LRP1B: variants seen among roughly 807,000 people sequenced by gnomAD.
The protein encoded by LRP1B is low-density lipoprotein receptor-related protein 1B.
LRP1B carries 217 observed loss-of-function variants against 556.6 expected under a neutral mutation model. The ratio of observed to expected loss-of-function variants is 0.39; its 90% CI spans 0.35 to 0.44. LRP1B has a LOEUF of 0.44. Ranked by LOEUF, LRP1B falls within the 20% of genes least tolerant of loss-of-function variation. The pLI is 1.00. For missense variants in LRP1B, 5,053 were observed against 5,620.8 expected (o/e 0.90, Z 3.23); for synonymous variants, 2,047 against 1,865.8 (o/e 1.10, Z -2.50).
chr2:140,654,416 T>C (rs1372531895), intron 41 of LRP1B, among the ~76,000 whole-genome samples: 1 of 152,174 alleles, frequency 6.6e-6, no homozygotes, highest in Non-Finnish European at 1.5e-5. Flanking sequence ...AATTAATATG[T>C]ATATAAGGGA....
chr2:141,429,829 T>C (rs1680501429), intron 3 of LRP1B, among the ~76,000 whole-genome samples: 1 of 152,138 alleles, frequency 6.6e-6, no homozygotes, highest in Admixed American at 6.5e-5. Flanking sequence ...TTGGTTAAGG[T>C]CTTCTTAGGT....
intron 1 of LRP1B, among the ~76,000 whole-genome samples, chr2:141,987,549 G>GTTTTTTTTT (rs5834887): frequency 9.3e-5 from 13 of 139,940 alleles, no homozygotes; most frequent in East Asian, 6.2e-4. Context: ...GATTTAAGCT[G>GTTTTTTTTT]TTTTTTTTTT....
intron 18 of LRP1B, among the ~76,000 whole-genome samples, chr2:140,953,083 TTTTGTTTG>T (rs895002333): frequency 1.2e-4 from 18 of 151,962 alleles, no homozygotes; most frequent in Non-Finnish European, 1.6e-4. Context: ...TCCATATTCT[TTTTGTTTG>T]TTTGTTTGTT....
intron 3 of LRP1B, among the ~76,000 whole-genome samples, chr2:141,262,960 T>A (rs1684753898): frequency 6.6e-6 from 1 of 151,912 alleles, no homozygotes; most frequent in African/African-American, 2.4e-5. Flanking sequence ...ATTGGAATTA[T>A]GTTAAATTTA....
Position 141,059,383 on chromosome 2 carries a change from C to G in LRP1B, c.1237-329G>C, listed in dbSNP as rs1279252453. ...CATATTCAATAATATGCCTGTGACA[C>G]TGTTATACATAATTTGAGATATTTT... On this transcript the variant is annotated intron_variant, in intron 8 of 90. Coordinates refer to ENST00000389484, the MANE Select transcript of LRP1B (RefSeq NM_018557.3). 2.6e-5 allele frequency among the ~76,000 whole-genome samples: 4 copies of G among 151,762 alleles called. No homozygotes were observed. The East Asian group carries it at 7.8e-4, about 30-fold the overall frequency.
chr2:140,758,779 A>AG (rs1559101081), intron 35 of LRP1B, among the ~76,000 whole-genome samples: 1 of 152,110 alleles, frequency 6.6e-6, no homozygotes. Flanking sequence ...AGAGGAGTAA[A>AG]GAAAAAAAAT....
intron 1 of LRP1B, among the ~76,000 whole-genome samples, chr2:141,870,119 GTTC>G (rs1478406012): frequency 6.6e-6 from 1 of 151,936 alleles, no homozygotes; most frequent in Non-Finnish European, 1.5e-5. Flanking sequence ...ACTCCTTTAA[GTTC>G]TTTAGATTTC....
intron 3 of LRP1B, among the ~76,000 whole-genome samples, chr2:141,318,407 T>G (rs756225388): frequency 6.6e-6 from 1 of 152,162 alleles, no homozygotes; most frequent in Non-Finnish European, 1.5e-5. Flanking sequence ...GGGGTTGTTT[T>G]CCTAAAGAAG....
At chr2:140,814,195 C>A (rs1347376078) in intron 31 of LRP1B, among the ~76,000 whole-genome samples, 4 of 152,028 alleles carry the variant, frequency 2.6e-5, no homozygotes, top group African/African-American at 9.7e-5. Flanking sequence ...TCAGGCTGGT[C>A]TTGAACTCCT....
intron 63 of LRP1B, among the ~76,000 whole-genome samples, chr2:140,447,249 G>A (rs1686701032): frequency 6.6e-6 from 1 of 152,062 alleles, no homozygotes. Flanking sequence ...GTAACAGTAT[G>A]CAGGTTTCTC....
At chr2:141,441,119 T>C (rs1680948917) in intron 3 of LRP1B, among the ~76,000 whole-genome samples, 1 of 152,122 alleles carries the variant, frequency 6.6e-6, no homozygotes, top group African/African-American at 2.4e-5. Context: ...CTCTGTTGCC[T>C]AGGCTATAGT....
chr2:140,450,772 C>G (rs954738227), intron 62 of LRP1B, 111 bp from the exon 63 acceptor site: 6 of 668,418 alleles, frequency 9.0e-6, no homozygotes, highest in Non-Finnish European at 1.5e-5. Context: ...CAGATGTGAA[C>G]AATGGTGATT....
At chr2:141,408,029 G>T (rs752549016) in intron 3 of LRP1B, among the ~76,000 whole-genome samples, 4 of 152,068 alleles carry the variant, frequency 2.6e-5, no homozygotes, top group Non-Finnish European at 5.9e-5. Flanking sequence ...TGGTTTTCAG[G>T]AGAAATCTTC....
chr2:140,846,170 T>A (rs1315511241), intron 29 of LRP1B, among the ~76,000 whole-genome samples: 1 of 152,092 alleles, frequency 6.6e-6, no homozygotes, highest in Non-Finnish European at 1.5e-5. Context: ...CAAAAGATAG[T>A]GGGATACTAT....
chr2:142,016,352 C>T (rs1323433765), intron 1 of LRP1B, among the ~76,000 whole-genome samples: 1 of 152,148 alleles, frequency 6.6e-6, no homozygotes, highest in African/African-American at 2.4e-5. Flanking sequence ...GATTATAAAT[C>T]ATTCTACTAT....
chr2:141,792,907 A>G (rs1695666900), intron 2 of LRP1B, among the ~76,000 whole-genome samples: 1 of 152,052 alleles, frequency 6.6e-6, no homozygotes, highest in South Asian at 2.1e-4. Context: ...AAAAGAAAAC[A>G]TTCTTATAAT....
rs527967729 is a variant in LRP1B at position 140,756,132 on chromosome 2, T to C, written c.5758+13081A>G. On this transcript the variant is annotated intron_variant, in intron 35 of 90. Coordinates refer to ENST00000389484, the MANE Select transcript of LRP1B (RefSeq NM_018557.3). ...AAATTTAGAAATAAAGTTAAAGAAA[T>C]ACAAAATTTATACTCTGAAAACTGA... Among the ~76,000 whole-genome samples, 59 of 152,014 alleles carry C rather than the reference T, an allele frequency of 3.9e-4. 1 individual carries two copies. The East Asian group carries it at 0.011, about 29-fold the overall frequency.
chr2:141,035,967 CCT>C (rs954746593), intron 11 of LRP1B, among the ~76,000 whole-genome samples: 22 of 152,136 alleles, frequency 1.4e-4, no homozygotes, highest in African/African-American at 5.3e-4. Flanking sequence ...TCCTCAAATT[CCT>C]ATTTGCACTC....
intron 11 of LRP1B, among the ~76,000 whole-genome samples, chr2:141,029,024 G>T (rs1698293244): frequency 6.6e-6 from 1 of 152,082 alleles, no homozygotes; most frequent in Non-Finnish European, 1.5e-5. Context: ...TGGTCTGCAG[G>T]CAAAGACGTC....
Sources: allele counts gnomAD v4.1 joint callset (sites outside exome capture counted in the v4.1 genomes callset), GRCh38; gene constraint gnomAD v4.1.1; transcripts MANE v1.5; gene names NCBI Gene and HGNC (gene_info 2026-07-23, HGNC 2026-07-21).